The following NRG4 variants were observed in gnomAD, a reference collection of about 807,000 sequenced individuals.
NRG4 encodes pro-neuregulin-4, membrane-bound isoform.
Under a neutral mutation model 15.0 loss-of-function variants are expected in NRG4, and 10 were observed. The ratio of observed to expected loss-of-function variants is 0.67; its 90% CI spans 0.41 to 1.13. The LOEUF is 1.13. NRG4 is among the 50% of genes most tolerant of loss of function. The pLI, the probability that NRG4 is intolerant of heterozygous loss-of-function variation, is 0.00. For missense variants in NRG4, 139 were observed against 140.2 expected (o/e 0.99, Z 0.04); for synonymous variants, 41 against 50.1 (o/e 0.82, Z 0.77).
chr15:76,029,135 T>C (rs1022817790), intron 5 of NRG4, among the ~76,000 whole-genome samples: 4 of 152,166 alleles, frequency 2.6e-5, no homozygotes, highest in Non-Finnish European at 4.4e-5. Context: ...AATGCAAGTA[T>C]GGTTCAACAT....
intron 5 of NRG4, among the ~76,000 whole-genome samples, chr15:76,026,773 T>C (rs376726573): frequency 6.6e-6 from 1 of 152,192 alleles, no homozygotes; most frequent in East Asian, 1.9e-4. Context: ...TAACCTTGCA[T>C]GCCAATGGAT....
At chr15:76,019,114 C>T (rs539355211) in intron 5 of NRG4, among the ~76,000 whole-genome samples, 1 of 152,040 alleles carries the variant, frequency 6.6e-6, no homozygotes, top group African/African-American at 2.4e-5. Context: ...AACTTCCAGG[C>T]GGCTTTGTTT....
chr15:76,037,358 A>G (rs2035619606), intron 4 of NRG4, among the ~76,000 whole-genome samples: 1 of 152,208 alleles, frequency 6.6e-6, no homozygotes. Context: ...CCATCACAGT[A>G]GCCAAGTGTT....
At chr15:75,989,126 T>C (rs1395157136) in intron 3 of NRG4, among the ~76,000 whole-genome samples, 1 of 152,086 alleles carries the variant, frequency 6.6e-6, no homozygotes, top group African/African-American at 2.4e-5. Flanking sequence ...CCAAAGTGAT[T>C]TGATTACAGG....
At chr15:76,008,168 G>A (rs1464613524) in intron 3 of NRG4, among the ~76,000 whole-genome samples, 2 of 152,146 alleles carry the variant, frequency 1.3e-5, no homozygotes, top group Non-Finnish European at 2.9e-5. Flanking sequence ...TAAAAAAGAA[G>A]AGTATACTGC....
chr15:76,029,423 T>G (rs1041329259), intron 5 of NRG4, among the ~76,000 whole-genome samples: 1 of 152,172 alleles, frequency 6.6e-6, no homozygotes, highest in African/African-American at 2.4e-5. Flanking sequence ...GTGCTATCTA[T>G]GTACAGCAAT....
rs559836055 is a variant in NRG4, at chr15:75,966,516, A to C, written c.105-4542T>G. On this transcript the variant is annotated intron_variant, in intron 3 of 5. Coordinates refer to ENST00000394907, the MANE Select transcript of NRG4 (RefSeq NM_138573.4). ...AGGAATAAAATAACTAAGAAAAATTATAACTAGAAAAGGTTAAGAGCATGG... is the reference window on the plus strand; with the variant it reads ...AGGAATAAAATAACTAAGAAAAATTCTAACTAGAAAAGGTTAAGAGCATGG... 3.9e-5 allele frequency among the ~76,000 whole-genome samples: 6 copies of C among 152,354 alleles called. No individual in the cohort carries two copies. In the East Asian group the frequency reaches 9.6e-4, roughly 24 times the overall value.
chr15:75,969,104 G>GACAGTATT, intron 3 of NRG4: 1 of 445,416 alleles, frequency 2.2e-6, no homozygotes, highest in Non-Finnish European at 4.5e-6. Flanking sequence ...GTTCTCAACA[G>GACAGTATT]ACAGTATTCA....
intron 5 of NRG4, among the ~76,000 whole-genome samples, chr15:75,955,053 C>G (rs1303751776): frequency 6.6e-6 from 1 of 152,034 alleles, no homozygotes; most frequent in Admixed American, 6.6e-5. Flanking sequence ...TTTTCCTGGC[C>G]CTGTGTGAAT....
intron 5 of NRG4, among the ~76,000 whole-genome samples, chr15:75,946,494 AC>A (rs2031518637): frequency 6.6e-6 from 1 of 152,142 alleles, no homozygotes; most frequent in Non-Finnish European, 1.5e-5. Context: ...AGTAGCTGGG[AC>A]TACAGGTGCC....
At chr15:76,030,042 AGGTCAG>A (rs1294868989) in intron 5 of NRG4, among the ~76,000 whole-genome samples, 4 of 152,182 alleles carry the variant, frequency 2.6e-5, no homozygotes, top group Admixed American at 6.5e-5. Context: ...GTGGATCACA[AGGTCAG>A]GAGATCAAGA....
chr15:75,963,324 C>G (rs1195578396), intron 3 of NRG4, among the ~76,000 whole-genome samples: 2 of 151,982 alleles, frequency 1.3e-5, no homozygotes, highest in Non-Finnish European at 2.9e-5. Context: ...GATAGGATAT[C>G]GGTAGCAAAC....
chr15:76,026,958 T>C (rs1267844633), intron 5 of NRG4, among the ~76,000 whole-genome samples: 5 of 151,890 alleles, frequency 3.3e-5, no homozygotes, highest in African/African-American at 7.3e-5. Flanking sequence ...CCATCTCTAC[T>C]AAAAACACAA....
intron 5 of NRG4, among the ~76,000 whole-genome samples, chr15:76,027,766 T>C (rs1285437681): frequency 6.6e-6 from 1 of 151,990 alleles, no homozygotes; most frequent in Non-Finnish European, 1.5e-5. Flanking sequence ...TCTCCAAAAC[T>C]GACAACATAT....
intron 3 of NRG4, among the ~76,000 whole-genome samples, chr15:75,963,474 T>TTAA (rs2032632776): frequency 6.6e-6 from 1 of 151,968 alleles, no homozygotes; most frequent in African/African-American, 2.4e-5. Context: ...TGAGACCTTG[T>TTAA]CTTTACAAAA....
intron 5 of NRG4, among the ~76,000 whole-genome samples, chr15:75,953,168 C>A (rs1008438596): frequency 6.6e-6 from 1 of 152,080 alleles, no homozygotes; most frequent in Non-Finnish European, 1.5e-5. Context: ...ATATTTAGAT[C>A]TTTGATCCAT....
chr15:75,991,572 T>C (rs1007023255), intron 3 of NRG4, among the ~76,000 whole-genome samples: 1 of 152,114 alleles, frequency 6.6e-6, no homozygotes, highest in Admixed American at 6.6e-5. Flanking sequence ...TTTCTATCAT[T>C]ATCAATTAGG....
upstream of NRG4, among the ~76,000 whole-genome samples, chr15:76,014,973 T>C (rs2034932050): frequency 6.6e-6 from 1 of 152,242 alleles, no homozygotes; most frequent in Non-Finnish European, 1.5e-5. Flanking sequence ...TTCCTATCCA[T>C]GAGCATGGAA....
intron 3 of NRG4, among the ~76,000 whole-genome samples, chr15:76,008,787 A>C (rs2034701501): frequency 6.6e-6 from 1 of 152,200 alleles, no homozygotes. Flanking sequence ...TTTTGGTGCC[A>C]ACTCAGTTAT....
Sources: allele counts gnomAD v4.1 joint callset (sites outside exome capture counted in the v4.1 genomes callset), GRCh38; gene constraint gnomAD v4.1.1; transcripts MANE v1.5; gene names NCBI Gene and HGNC (gene_info 2026-07-23, HGNC 2026-07-21).